Variants in DDR2 observed in about 807,000 individuals in gnomAD.
DDR2 encodes the protein discoidin domain-containing receptor 2.
In DDR2, 27 loss-of-function variants were observed where a neutral mutation model predicts 94.9. That is an observed-to-expected ratio of 0.28 (90% CI 0.21 to 0.39). DDR2 has a LOEUF of 0.39. DDR2 is among the 10% of genes least tolerant of loss of function. DDR2 has a pLI of 1.00. For synonymous variants in DDR2, 382 were observed against 377.2 expected, an observed-to-expected ratio of 1.01 and a Z score of -0.15; for missense variants, 783 against 1,076.0, an observed-to-expected ratio of 0.73 and a Z score of 3.81.
rs56958157 is a variant in DDR2, at chr1:162,684,812, A to AACACACACAC, written c.-28+29472_-28+29481dup. Among the ~76,000 whole-genome samples, 713 of 138,018 alleles carry AACACACACAC rather than the reference A, an allele frequency of 5.2e-3. 5 individuals carry two copies. The highest frequency in any genetic ancestry group is 0.012 in the African/African-American group (441 of 37,964). The allele number at this position is 138,018 out of a possible 152,430, so 90.5% of individuals were successfully genotyped here. ...ACAGAAACACACAAACACACCCACCAACACACACACACACACACACACACA... is the reference window on the plus strand; with the variant it reads ...ACAGAAACACACAAACACACCCACCAACACACACACACACACACACACACACACACACACA... On this transcript the variant is annotated intron_variant, in intron 2 of 17. Transcript: ENST00000367921.
intron 1 of DDR2, among the ~76,000 whole-genome samples, chr1:162,642,538 C>T (rs983007420): frequency 6.6e-6 from 1 of 151,734 alleles, no homozygotes; most frequent in Non-Finnish European, 1.5e-5. Flanking sequence ...GATCTACCCG[C>T]CTCAGCCTCC....
chr1:162,681,450 C>T (rs1293749712), intron 2 of DDR2, among the ~76,000 whole-genome samples: 2 of 152,140 alleles, frequency 1.3e-5, no homozygotes, highest in Non-Finnish European at 2.9e-5. Context: ...TCCCAAGAGA[C>T]CATTTATGGA....
intron 2 of DDR2, among the ~76,000 whole-genome samples, chr1:162,664,601 A>G (rs945205628): frequency 2.6e-5 from 4 of 152,220 alleles, no homozygotes; most frequent in Non-Finnish European, 4.4e-5. Flanking sequence ...GTCACAATGT[A>G]ATATAAAGAT....
Position 162,641,949 on chromosome 1 carries a change from A to ATATTTATT in DDR2, c.-192+9328_-192+9335dup, listed in dbSNP as rs1248019093. Among the ~76,000 whole-genome samples the ATATTTATT allele has an allele frequency of 1.5e-3, 222 of 151,924 alleles. 4 individuals carry two copies. Among genetic ancestry groups the ATATTTATT allele is most frequent in the African/African-American group, 5.0e-3 (208 of 41,438 alleles). On this transcript the variant is annotated intron_variant, in intron 1 of 17. Transcript: ENST00000367921. ...TATACAGGGCTATTTTATTTTATTTATATTTATTTATTTATTTTTGAGACA... is the reference window on the plus strand; with the variant it reads ...TATACAGGGCTATTTTATTTTATTTATATTTATTTATTTATTTATTTATTTTTGAGACA...
At chr1:162,657,550 A>C (rs1046515441) in intron 2 of DDR2, among the ~76,000 whole-genome samples, 2 of 152,170 alleles carry the variant, frequency 1.3e-5, no homozygotes, top group African/African-American at 4.8e-5. Context: ...TTTAATGGGT[A>C]CTGAGAGCAG....
chr1:162,680,965 T>C (rs1248997479), intron 2 of DDR2, among the ~76,000 whole-genome samples: 1 of 152,196 alleles, frequency 6.6e-6, no homozygotes, highest in African/African-American at 2.4e-5. Context: ...AGGAGTGTTG[T>C]GTCCATAGAG....
chr1:162,680,516 A>G (rs1659350507), intron 2 of DDR2, among the ~76,000 whole-genome samples: 1 of 152,182 alleles, frequency 6.6e-6, no homozygotes, highest in East Asian at 1.9e-4. Flanking sequence ...TATCAGCACC[A>G]TGCTGTTTTG....
chr1:162,686,362 C>T (rs780657644), intron 2 of DDR2, among the ~76,000 whole-genome samples: 3 of 152,130 alleles, frequency 2.0e-5, no homozygotes, highest in Admixed American at 1.3e-4. Context: ...TGCTCTCCTT[C>T]CCCTTGCCCC....
In DDR2 at chr1:162,660,410, A is replaced by T. The variant is rs376136832; in HGVS notation, c.-28+5036A>T. On this transcript the variant is annotated intron_variant, in intron 2 of 17. Coordinates refer to ENST00000367921, the MANE Select transcript of DDR2 (RefSeq NM_006182.4). The stretch of plus-strand genomic sequence containing the variant: ...ATTGTCTTGTAGAAAATGGTCTAAA[A>T]TAGATCTTTACTATCTGAAATATCA... Among the ~76,000 whole-genome samples the T allele has an allele frequency of 7.2e-5, 11 of 152,264 alleles. No homozygotes were observed. The South Asian group carries it at 2.3e-3, about 32-fold the overall frequency.
At chr1:162,769,094 C>T (rs1664138901) in intron 11 of DDR2, among the ~76,000 whole-genome samples, 2 of 152,164 alleles carry the variant, frequency 1.3e-5, no homozygotes, top group African/African-American at 4.8e-5. Context: ...TTTATTTGAG[C>T]CACAATTTAC....
At chr1:162,760,142 C>G (rs576856134) in intron 8 of DDR2, among the ~76,000 whole-genome samples, 163 bp downstream of exon 8, 1 of 152,010 alleles carries the variant, frequency 6.6e-6, no homozygotes, top group Non-Finnish European at 1.5e-5. Flanking sequence ...TCTCTAAGGG[C>G]GTGATTCTCC....
chr1:162,733,966 A>G (rs566713317), intron 3 of DDR2, among the ~76,000 whole-genome samples: 61 of 152,352 alleles, frequency 4.0e-4, no homozygotes, highest in African/African-American at 1.4e-3. Flanking sequence ...ACTGTCAAAT[A>G]CATAATCAAA....
chr1:162,713,129 A>G (rs1660998319), intron 2 of DDR2, among the ~76,000 whole-genome samples: 1 of 152,170 alleles, frequency 6.6e-6, no homozygotes, highest in South Asian at 2.1e-4. Context: ...AGTAACTGAT[A>G]AAGTTCAGGA....
At chr1:162,719,498 T>A (rs989443947) in intron 3 of DDR2, among the ~76,000 whole-genome samples, 1 of 152,108 alleles carries the variant, frequency 6.6e-6, no homozygotes, top group Non-Finnish European at 1.5e-5. Context: ...TTCAGGTTGG[T>A]TTACCAGTTG....
chr1:162,714,360 A>T (rs1661056761), intron 2 of DDR2, among the ~76,000 whole-genome samples: 1 of 152,060 alleles, frequency 6.6e-6, no homozygotes, highest in South Asian at 2.1e-4. Flanking sequence ...TCTTTAGCTC[A>T]TAGCAAATTT....
intron 2 of DDR2, among the ~76,000 whole-genome samples, chr1:162,679,587 A>G (rs1659300389): frequency 1.3e-5 from 2 of 152,148 alleles, no homozygotes; most frequent in Admixed American, 6.5e-5. Context: ...TGTCTTTGCT[A>G]TTGTGGATAG....
Position 162,765,962 on chromosome 1 carries a change from T to C in DDR2, c.1100-39T>C, listed in dbSNP as rs748404249. 1.9e-6 allele frequency: 3 copies of C among 1,608,786 alleles called. No homozygotes were observed. In the Admixed American group the frequency reaches 5.0e-5, roughly 27 times the overall value. ...CTTCAGAGAAAACACTAGCTGTCTGTCTTCTCCCTGGCTCTGACTCACCCT... is the reference window on the plus strand; with the variant it reads ...CTTCAGAGAAAACACTAGCTGTCTGCCTTCTCCCTGGCTCTGACTCACCCT... On this transcript the variant is annotated intron_variant, in intron 9 of 17. Transcript: ENST00000367921.
In DDR2 at chr1:162,785,358, T is replaced by C. The variant is rs909564229; in HGVS notation, c.*5112T>C. ...GTGGAGAGAATAGAATACAATGGTA[T>C]AGACTCCTAATGTTTGATAAAATAC... On this transcript the variant is annotated 3_prime_UTR_variant, in exon 18 of 18. Transcript: ENST00000367921. 6 of 152,218 alleles carry C rather than the reference T, an allele frequency of 3.9e-5. No homozygotes were observed. Among genetic ancestry groups the C allele is most frequent in the African/African-American group, 1.4e-4 (6 of 41,446 alleles). 9.4% of individuals were successfully genotyped at this position (152,218 alleles called of 1,614,324 possible). A position where few individuals can be genotyped will look rare whatever the true frequency, so the allele number is the denominator to read the frequency against.
At chr1:162,655,088 C>T (rs915549717) in intron 1 of DDR2, 123 bp from the exon 2 acceptor site, 21 of 152,048 alleles carry the variant, frequency 1.4e-4, no homozygotes, top group Non-Finnish European at 2.4e-4. Context: ...ACATCCAATT[C>T]CTTTAGTGCC....
Sources: allele counts gnomAD v4.1 joint callset (sites outside exome capture counted in the v4.1 genomes callset), GRCh38; gene constraint gnomAD v4.1.1; transcripts MANE v1.5; gene names NCBI Gene and HGNC (gene_info 2026-07-23, HGNC 2026-07-21).